EMB: variants seen among roughly 807,000 people sequenced by gnomAD.
EMB encodes the protein embigin.
Under a neutral mutation model 41.4 loss-of-function variants are expected in EMB, and 31 were observed. The observed-to-expected ratio is 0.75, with a 90% CI of 0.56 to 1.01. EMB has a LOEUF of 1.01. Ranked by LOEUF, EMB falls within the 50% of genes least tolerant of loss-of-function variation. The pLI, the probability that EMB is intolerant of heterozygous loss-of-function variation, is 0.00. For missense variants in EMB, 379 were observed against 388.3 expected (o/e 0.98, Z 0.20); for synonymous variants, 137 against 140.4 (o/e 0.98, Z 0.17).
intron 2 of EMB, among the ~76,000 whole-genome samples, chr5:50,417,530 C>A (rs1745449955): frequency 6.6e-6 from 1 of 152,128 alleles, no homozygotes; most frequent in African/African-American, 2.4e-5. Flanking sequence ...TGTGATACAG[C>A]CTAAAACACA....
At chr5:50,435,436 T>G (rs1412505620) in intron 1 of EMB, among the ~76,000 whole-genome samples, 1 of 152,198 alleles carries the variant, frequency 6.6e-6, no homozygotes, top group African/African-American at 2.4e-5. Context: ...GGCTATCACT[T>G]CTCTCTAATG....
At chr5:50,420,428 C>G (rs1344783981) in intron 2 of EMB, among the ~76,000 whole-genome samples, 1 of 152,194 alleles carries the variant, frequency 6.6e-6, no homozygotes, top group Non-Finnish European at 1.5e-5. Context: ...CATGCAGACA[C>G]TCAGGGAGTC....
At chr5:50,417,544 GC>G in intron 2 of EMB, among the ~76,000 whole-genome samples, 1 of 152,290 alleles carries the variant, frequency 6.6e-6, no homozygotes, top group South Asian at 2.1e-4. Context: ...AAACACACGT[GC>G]TTCCTGAATC....
At chr5:50,409,549 T>C (rs1469295478) in intron 4 of EMB, among the ~76,000 whole-genome samples, 2 of 151,312 alleles carry the variant, frequency 1.3e-5, no homozygotes, top group East Asian at 3.9e-4. Flanking sequence ...TATTTTTTGC[T>C]CATTGGGAAG....
intron 4 of EMB, among the ~76,000 whole-genome samples, chr5:50,406,263 C>T (rs969765820): frequency 6.6e-6 from 1 of 151,622 alleles, no homozygotes; most frequent in African/African-American, 2.4e-5. Flanking sequence ...ATAAAATTTC[C>T]AGGATAGGAA....
rs924355430 is a variant in EMB, at chr5:50,405,158, C to T, written c.600+567G>A. ...TTCTTAATATCAGCTCTTTGAATAG[C>T]GATTTCTCTCAGTAAAAAAGGAATT... On this transcript the variant is annotated intron_variant, in intron 5 of 8. Transcript: ENST00000303221. Among the ~76,000 whole-genome samples, 7 of 151,784 alleles carry T rather than the reference C, an allele frequency of 4.6e-5. No homozygotes were observed. The South Asian group carries it at 8.3e-4, about 18-fold the overall frequency.
At chr5:50,440,175 C>CT (rs1745874380) in intron 1 of EMB, among the ~76,000 whole-genome samples, 1 of 152,044 alleles carries the variant, frequency 6.6e-6, no homozygotes, top group Admixed American at 6.6e-5. Context: ...CACACGTTAT[C>CT]CTGTAAGTTG....
At position 50,399,210 on chromosome 5, in the gene EMB, T is replaced by A. The variant is rs1745118375; in HGVS notation, c.*63A>T. 1.9e-6 allele frequency: 3 copies of A among 1,595,594 alleles called. No homozygotes were observed. The highest frequency in any genetic ancestry group is 2.3e-5 in the East Asian group (1 of 44,408). On this transcript the variant is annotated 3_prime_UTR_variant, in exon 9 of 9. Coordinates refer to ENST00000303221, the MANE Select transcript of EMB (RefSeq NM_198449.3). Reference sequence around the variant, plus strand: ...ACTCAGAGGCTCTTAACAGGAAGGATAAACAAAGCTGAAATACGAACTCTG... The same window carrying A: ...ACTCAGAGGCTCTTAACAGGAAGGAAAAACAAAGCTGAAATACGAACTCTG...
At chr5:50,426,422 ATAAG>A (rs1397616430) in intron 2 of EMB, among the ~76,000 whole-genome samples, 13 of 152,252 alleles carry the variant, frequency 8.5e-5, no homozygotes, top group Admixed American at 2.6e-4. Flanking sequence ...AAAATATTAA[ATAAG>A]TAAGCTTTTA....
At chr5:50,400,254 TGTGATATTG>T (rs757253529) in intron 7 of EMB, among the ~76,000 whole-genome samples, 9 of 152,128 alleles carry the variant, frequency 5.9e-5, no homozygotes, top group Admixed American at 3.3e-4. Flanking sequence ...AGCCAACATG[TGTGATATTG>T]GTGCTATACA....
rs1351948516 is a variant in EMB at position 50,402,336 on chromosome 5, G to C, written c.878-17C>G. 6.2e-7 allele frequency: 1 copy of C among 1,607,154 alleles called. No individual in the cohort carries two copies. Among genetic ancestry groups the C allele is most frequent in the African/African-American group, 1.3e-5 (1 of 74,504 alleles). On this transcript the variant is annotated splice_polypyrimidine_tract_variant and intron_variant, in intron 6 of 8. Transcript: ENST00000303221. Reference sequence around the variant, plus strand: ...TCCCCTCATCTGTGTAACAAAAGAAGAATTTGACTGTGAAGTTGGTTTGTC... The same window carrying C: ...TCCCCTCATCTGTGTAACAAAAGAACAATTTGACTGTGAAGTTGGTTTGTC...
chr5:50,428,804 T>G (rs927630392), intron 1 of EMB: 4 of 929,680 alleles, frequency 4.3e-6, no homozygotes, highest in Non-Finnish European at 5.1e-6. Context: ...CTCTCTCCTT[T>G]TGAAAACTTT....
chr5:50,398,991 A>G lies in EMB; in HGVS notation c.*282T>C, dbSNP rs1049102474. 1.6e-5 allele frequency: 4 copies of G among 254,616 alleles called. No homozygotes were observed. The highest frequency in any genetic ancestry group is 1.5e-4 in the East Asian group (2 of 13,250). The allele number at this position is 254,616 out of a possible 1,614,324, so 15.8% of individuals were successfully genotyped here. ...TATGAAGTATTAAGTGATTCTGCTG[A>G]TATCTGTTCTGTGTGTCCTTTGAAG... On this transcript the variant is annotated 3_prime_UTR_variant, in exon 9 of 9. Coordinates refer to ENST00000303221, the MANE Select transcript of EMB (RefSeq NM_198449.3).
At position 50,411,313 on chromosome 5, in the gene EMB, C is replaced by A. The variant is rs368682010; in HGVS notation, c.267G>T (p.Gln89His). The A allele has an allele frequency of 2.5e-6, 4 of 1,612,864 alleles. No homozygotes were observed. The highest frequency in any genetic ancestry group is 1.7e-5 in the Admixed American group (1 of 59,930). Residue 89 changes from glutamine (Q) to histidine (H), a missense_variant, in exon 3 of 9, where the codon CAG (glutamine) becomes CAT (histidine). Gln to His is a conservative substitution (Grantham distance 24). Coordinates refer to ENST00000303221, the MANE Select transcript of EMB (RefSeq NM_198449.3). ...CATTCAAATCCCCAGATGTTGTGAA[C>A]TGGCATGTGAGATTTACATTAGAAG... ...ERPSNVNLTCQFTTSGDLNAV... is the reference protein window; with the variant it reads ...ERPSNVNLTCHFTTSGDLNAV...
At chr5:50,432,423 G>A (rs1230575894) in intron 1 of EMB, among the ~76,000 whole-genome samples, 1 of 151,960 alleles carries the variant, frequency 6.6e-6, no homozygotes, top group African/African-American at 2.4e-5. Flanking sequence ...TGATAGGAAT[G>A]AATATTACAT....
At chr5:50,433,143 C>T (rs1745750328) in intron 1 of EMB, among the ~76,000 whole-genome samples, 1 of 151,886 alleles carries the variant, frequency 6.6e-6, no homozygotes, top group Non-Finnish European at 1.5e-5. Context: ...CTTTCTAAGT[C>T]AGAGACAGAT....
At chr5:50,437,130 G>T (rs1410225540) in intron 1 of EMB, among the ~76,000 whole-genome samples, 1 of 152,084 alleles carries the variant, frequency 6.6e-6, no homozygotes, top group Non-Finnish European at 1.5e-5. Context: ...AATTAGCCGG[G>T]TGTGGTGGCA....
chr5:50,420,487 C>G (rs1455593934), intron 2 of EMB, among the ~76,000 whole-genome samples: 2 of 152,210 alleles, frequency 1.3e-5, no homozygotes, highest in African/African-American at 2.4e-5. Context: ...TCTCAGGTCA[C>G]ATGCCTCCTT....
chr5:50,422,090 C>CTGTT (rs1457203276), intron 2 of EMB, among the ~76,000 whole-genome samples: 1 of 151,970 alleles, frequency 6.6e-6, no homozygotes, highest in Non-Finnish European at 1.5e-5. Context: ...GAAAGAAAAT[C>CTGTT]TGTTTTTTTA....
Sources: gnomAD v4.1 joint callset for allele counts (sites outside exome capture counted in the v4.1 genomes callset) on GRCh38, gnomAD v4.1.1 for gene constraint, MANE v1.5 for transcripts, NCBI Gene and HGNC (gene_info 2026-07-23, HGNC 2026-07-21) for gene names.